ADGRB1: variants seen among roughly 807,000 people sequenced by gnomAD.
The protein encoded by ADGRB1 is brain-specific angiogenesis inhibitor 1.
A neutral mutation model predicts 175.7 loss-of-function variants in ADGRB1; 36 were observed. The ratio of observed to expected loss-of-function variants is 0.20; its 90% CI spans 0.16 to 0.27. The LOEUF (loss-of-function observed/expected upper bound fraction) is 0.27. Among genes scored for constraint, ADGRB1 ranks in the 10% least tolerant of loss-of-function variants. The pLI is 1.00. For synonymous variants in ADGRB1, 1,054 were observed against 979.4 expected, an observed-to-expected ratio of 1.08 and a Z score of -1.42; for missense variants, 1,731 against 2,255.3, an observed-to-expected ratio of 0.77 and a Z score of 4.71.
At chr8:142,452,216 TG>T (rs1839393293) in intron 1 of ADGRB1, among the ~76,000 whole-genome samples, 1 of 152,186 alleles carries the variant, frequency 6.6e-6, no homozygotes, top group Admixed American at 6.5e-5. Context: ...GGCAGAAGGC[TG>T]GCCCGGGAGA....
At position 142,510,835 on chromosome 8, in the gene ADGRB1, C is replaced by A. The variant is rs1280507422; in HGVS notation, c.2676-97C>A. ...GCGGGGCGGCGGGCCGGGGCCGGGG[C>A]CGGGGCGCGGAGCCGCCGCTCGGGG... On this transcript the variant is annotated intron_variant, in intron 17 of 30. Coordinates refer to ENST00000517894, the MANE Select transcript of ADGRB1 (RefSeq NM_001702.3). This position sits in a 1 kb window ranked among gnomAD's most constrained non-coding sequence, Gnocchi z 6.3. 6.6e-6 allele frequency: 4 copies of A among 609,620 alleles called. No individual in the cohort carries two copies. The highest frequency in any genetic ancestry group is 8.2e-6 in the Non-Finnish European group (4 of 489,856). 37.8% of individuals were successfully genotyped at this position (609,620 alleles called of 1,614,324 possible). A position where few individuals can be genotyped will look rare whatever the true frequency, so the allele number is the denominator to read the frequency against.
Position 142,477,491 on chromosome 8 carries a change from C to T in ADGRB1, c.1329C>T (p.Gly443=). 6.2e-7 allele frequency: 1 copy of T among 1,613,194 alleles called. No individual in the cohort carries two copies. Among genetic ancestry groups the T allele is most frequent in the Non-Finnish European group, 8.5e-7 (1 of 1,179,828 alleles). ...CCTGCAGGCCCCCCCAGTTTGGGGG[C>T]AACCCCTGTGAGGGCCCTGAGAAGC... The part of the protein sequence containing the change: ...TRTCRPPQFG[G]NPCEGPEKQT... Residue 443 remains glycine, a synonymous_variant, in exon 6 of 31, where the codon GGC becomes GGT. Transcript: ENST00000517894.
At chr8:142,489,234 G>A in intron 15 of ADGRB1, 102 bp from the exon 16 acceptor site, 1 of 1,544,142 alleles carries the variant, frequency 6.5e-7, no homozygotes, top group Non-Finnish European at 8.9e-7. Flanking sequence ...GGCTGTGGAG[G>A]GTGGCGGCGG....
chr8:142,513,876 C>A (rs1331861963), intron 18 of ADGRB1, among the ~76,000 whole-genome samples: 7 of 151,974 alleles, frequency 4.6e-5, no homozygotes, highest in Non-Finnish European at 1.5e-5. Context: ...GACTGGTGGC[C>A]CGCAAGGCCT....
Position 142,490,793 on chromosome 8 carries a change from A to G in ADGRB1, c.2653A>G (p.Ile885Val). 1 of 1,584,558 alleles carries G rather than the reference A, an allele frequency of 6.3e-7. No homozygotes were observed. Among genetic ancestry groups the G allele is most frequent in the Non-Finnish European group, 8.6e-7 (1 of 1,165,158 alleles). The part of the protein sequence containing the change: ...MYNGTTNQTC[I>V]LWDETDVPSS... Reference sequence around the variant, plus strand: ...CCAGGGCACCACCAACCAGACCTGTATCCTGTGGGATGAGACGGATGTGTA... The same window carrying G: ...CCAGGGCACCACCAACCAGACCTGTGTCCTGTGGGATGAGACGGATGTGTA... Residue 885 changes from isoleucine to valine, a missense_variant, in exon 17 of 31, where the codon ATC becomes GTC. Physicochemically the swap from Ile to Val is conservative, Grantham distance 29 (BLOSUM62 3). Around this residue, in one of 8 missense-constraint regions of ADGRB1, gnomAD observed 388 missense variants for 630.9 expected, o/e 0.61. Coordinates refer to ENST00000517894, the MANE Select transcript of ADGRB1 (RefSeq NM_001702.3).
Position 142,522,695 on chromosome 8 carries a change from A to C in ADGRB1, c.3230A>C (p.Tyr1077Ser). 6.5e-7 allele frequency: 1 copy of C among 1,544,904 alleles called. No homozygotes were observed. The highest frequency in any genetic ancestry group is 8.7e-7 in the Non-Finnish European group (1 of 1,149,004). The change falls in exon 22 of 31, where the codon TAC (tyrosine) becomes TCC (serine). Residue 1077 changes from tyrosine (Y) to serine (S), a missense_variant. By Grantham distance (144) the Tyr-to-Ser change is moderately radical (BLOSUM62 -2). This residue lies in a region of ADGRB1 where 301 missense variants were observed against 488.4 expected (regional missense o/e 0.62). Transcript: ENST00000517894. ...ISVGFTKAKGYSTMNYCWLSL... is the reference protein window; with the variant it reads ...ISVGFTKAKGSSTMNYCWLSL... ...GTGGGATTCACCAAGGCCAAAGGGTACAGCACCATGAACTAGTGAGTCGGG... is the reference window on the plus strand; with the variant it reads ...GTGGGATTCACCAAGGCCAAAGGGTCCAGCACCATGAACTAGTGAGTCGGG...
intron 24 of ADGRB1, 90 bp from the exon 25 acceptor site, chr8:142,533,205 C>A: frequency 7.5e-7 from 1 of 1,338,994 alleles, no homozygotes. Context: ...AGGGCTGGGT[C>A]CCCACCGAGG....
chr8:142,477,806 G>A (rs568020705), intron 6 of ADGRB1, among the ~76,000 whole-genome samples: 44 of 151,636 alleles, frequency 2.9e-4, no homozygotes, highest in Admixed American at 3.9e-4. Context: ...GGATGTTCAT[G>A]CCATGTCCCA....
chr8:142,484,358 C>T (rs1476116321), intron 12 of ADGRB1, among the ~76,000 whole-genome samples: 1 of 152,218 alleles, frequency 6.6e-6, no homozygotes, highest in Non-Finnish European at 1.5e-5. Flanking sequence ...GCAGTGCTCA[C>T]TCCCCCAGGC....
Position 142,474,894 on chromosome 8 carries a change from C to G in ADGRB1, c.785-580C>G, listed in dbSNP as rs548388389. 3.9e-5 allele frequency among the ~76,000 whole-genome samples: 6 copies of G among 152,118 alleles called. No homozygotes were observed. The highest frequency in any genetic ancestry group is 8.8e-5 in the Non-Finnish European group (6 of 68,014). The stretch of plus-strand genomic sequence containing the variant: ...GCTCCGTCAGGCTGTGCCCTGGGTT[C>G]GAGGCCCTGGTTGGACACCAGGTGT... On this transcript the variant is annotated intron_variant, in intron 2 of 30. Coordinates refer to ENST00000517894, the MANE Select transcript of ADGRB1 (RefSeq NM_001702.3). The surrounding 1 kb of genome is among the most constrained non-coding windows in gnomAD (Gnocchi z 5.8).
At chr8:142,520,476 G>GTGGTACTGA (rs1260698213) in intron 19 of ADGRB1, among the ~76,000 whole-genome samples, 1 of 2,148 alleles carries the variant, frequency 4.7e-4, no homozygotes, top group African/African-American at 1.1e-3. Context: ...GGTGGTGATG[G>GTGGTACTGA]TTGTGTGATA....
At chr8:142,488,293 G>C in intron 13 of ADGRB1, 71 bp from the exon 14 acceptor site, 1 of 1,578,246 alleles carries the variant, frequency 6.3e-7, no homozygotes, top group Non-Finnish European at 8.6e-7. Context: ...CTCAACTCCC[G>C]CAGCTGAGGC....
At chr8:142,473,584 C>T (rs1252566281) in intron 2 of ADGRB1, among the ~76,000 whole-genome samples, 5 of 152,234 alleles carry the variant, frequency 3.3e-5, no homozygotes, top group East Asian at 3.8e-4. Flanking sequence ...CCCTGGAGGC[C>T]GTGCTGAGTC....
At chr8:142,456,245 A>G (rs1839673563) in intron 1 of ADGRB1, among the ~76,000 whole-genome samples, 2 of 152,080 alleles carry the variant, frequency 1.3e-5, no homozygotes, top group Non-Finnish European at 2.9e-5. Context: ...ACATGCACAC[A>G]TAGACCCGCC....
rs140469248 is a variant in ADGRB1, at chr8:142,469,535, G to T, written c.784+4553G>T. ...TGTGTATGCACGTGCATGTGTGAATGTGAGTGTATGCACGTGCATGTGTGT... is the reference window on the plus strand; with the variant it reads ...TGTGTATGCACGTGCATGTGTGAATTTGAGTGTATGCACGTGCATGTGTGT... On this transcript the variant is annotated intron_variant, in intron 2 of 30. Coordinates refer to ENST00000517894, the MANE Select transcript of ADGRB1 (RefSeq NM_001702.3). Among the ~76,000 whole-genome samples, 843 of 144,664 alleles carry T rather than the reference G, an allele frequency of 5.8e-3. 6 individuals are homozygous for T. Among genetic ancestry groups the T allele is most frequent in the African/African-American group, 0.02 (793 of 40,116 alleles). The allele number at this position is 144,664 out of a possible 152,430, so 94.9% of individuals were successfully genotyped here.
intron 1 of ADGRB1, among the ~76,000 whole-genome samples, chr8:142,460,559 C>T (rs1839920450): frequency 6.6e-6 from 1 of 152,298 alleles, no homozygotes; most frequent in East Asian, 1.9e-4. Context: ...GCTGATGGCC[C>T]CTGTGGTCCC....
intron 18 of ADGRB1, among the ~76,000 whole-genome samples, chr8:142,512,851 G>T (rs912113136): frequency 6.6e-6 from 1 of 152,214 alleles, no homozygotes; most frequent in Non-Finnish European, 1.5e-5. Context: ...GGCTGAAGGG[G>T]GTGCCCCTGA....
At chr8:142,487,847 T>C (rs1841756791) in intron 13 of ADGRB1, among the ~76,000 whole-genome samples, 1 of 152,202 alleles carries the variant, frequency 6.6e-6, no homozygotes, top group African/African-American at 2.4e-5. Context: ...TCTTTCACCG[T>C]GGCCCATACT....
At chr8:142,518,331 G>A in intron 19 of ADGRB1, 90 bp downstream of exon 19, 3 of 1,367,500 alleles carry the variant, frequency 2.2e-6, no homozygotes, top group Non-Finnish European at 3.1e-6. Context: ...GGTCGTGGGT[G>A]CCCCTCCCTC....
Sources: allele counts gnomAD v4.1 joint callset (sites outside exome capture counted in the v4.1 genomes callset), GRCh38; gene constraint gnomAD v4.1.1; regional missense constraint gnomAD v4.1.1; non-coding constraint Gnocchi (gnomAD v3.1); transcripts MANE v1.5; gene names NCBI Gene and HGNC (gene_info 2026-07-23, HGNC 2026-07-21).